Variants in SLC2A13 observed in about 807,000 individuals in gnomAD.
The protein encoded by SLC2A13 is solute carrier family 2 member 13, also known as proton myo-inositol cotransporter.
SLC2A13 carries 32 observed loss-of-function variants against 64.4 expected under a neutral mutation model. The ratio of observed to expected loss-of-function variants is 0.50; its 90% CI spans 0.37 to 0.67. The LOEUF (loss-of-function observed/expected upper bound fraction) is 0.67. Among genes scored for constraint, SLC2A13 ranks in the 30% least tolerant of loss-of-function variants. The pLI, the probability that SLC2A13 is intolerant of heterozygous loss-of-function variation, is 0.00. For synonymous variants in SLC2A13, 338 were observed against 327.1 expected (o/e 1.03, Z -0.36); for missense variants, 743 against 829.2 (o/e 0.90, Z 1.28).
chr12:39,826,565 C>G (rs1942681786), intron 7 of SLC2A13, among the ~76,000 whole-genome samples: 1 of 149,106 alleles, frequency 6.7e-6, no homozygotes, highest in East Asian at 2.0e-4. Flanking sequence ...CTATATTTAA[C>G]AAATTGAAAA....
At chr12:40,032,799 T>C (rs1947924451) in intron 2 of SLC2A13, among the ~76,000 whole-genome samples, 1 of 152,202 alleles carries the variant, frequency 6.6e-6, no homozygotes, top group African/African-American at 2.4e-5. Flanking sequence ...TCCTCTCATA[T>C]CTGCTTCCTT....
chr12:40,019,543 T>C (rs1028790957), intron 3 of SLC2A13, among the ~76,000 whole-genome samples: 1 of 152,186 alleles, frequency 6.6e-6, no homozygotes, highest in African/African-American at 2.4e-5. Context: ...ACGTGGATTA[T>C]AATGTCTGTT....
At chr12:39,958,129 T>C (rs1208215140) in intron 3 of SLC2A13, among the ~76,000 whole-genome samples, 2 of 152,202 alleles carry the variant, frequency 1.3e-5, no homozygotes, top group African/African-American at 4.8e-5. Flanking sequence ...TGAGTGCTCC[T>C]TCTCTCTTCA....
intron 1 of SLC2A13, among the ~76,000 whole-genome samples, chr12:40,061,706 T>A (rs888695564): frequency 6.6e-6 from 1 of 151,792 alleles, no homozygotes; most frequent in African/African-American, 2.4e-5. Context: ...CAATCCCCCA[T>A]GAACATCAAA....
intron 3 of SLC2A13, among the ~76,000 whole-genome samples, chr12:40,024,815 A>G (rs1335477114): frequency 6.6e-6 from 1 of 152,208 alleles, no homozygotes; most frequent in Non-Finnish European, 1.5e-5. Flanking sequence ...TCCTAAAAAA[A>G]CAGACCTTGG....
At chr12:40,011,766 T>G (rs527782828) in intron 3 of SLC2A13, among the ~76,000 whole-genome samples, 2 of 152,266 alleles carry the variant, frequency 1.3e-5, no homozygotes, top group East Asian at 3.9e-4. Context: ...TTCAGAGAAG[T>G]AAGCTGTGAA....
At chr12:39,764,996 T>A in intron 7 of SLC2A13, 138 bp from the exon 8 acceptor site, 2 of 987,252 alleles carry the variant, frequency 2.0e-6, no homozygotes, top group Non-Finnish European at 2.9e-6. Flanking sequence ...AAATAAGAAC[T>A]AAATATACAG....
intron 3 of SLC2A13, among the ~76,000 whole-genome samples, chr12:39,993,620 T>C (rs1591988061): frequency 6.6e-6 from 1 of 152,234 alleles, no homozygotes; most frequent in Non-Finnish European, 1.5e-5. Flanking sequence ...CATGTGATGT[T>C]TTTCCAGAGA....
chr12:39,962,962 T>C (rs1358353060), intron 3 of SLC2A13, among the ~76,000 whole-genome samples: 1 of 152,174 alleles, frequency 6.6e-6, no homozygotes, highest in Non-Finnish European at 1.5e-5. Flanking sequence ...AGCTCTCTAG[T>C]AGAATTTCTC....
At chr12:39,878,227 C>T (rs1358870056) in intron 4 of SLC2A13, among the ~76,000 whole-genome samples, 1 of 152,008 alleles carries the variant, frequency 6.6e-6, no homozygotes, top group Non-Finnish European at 1.5e-5. Flanking sequence ...AAGTTGATAC[C>T]AGGGGTGAAG....
chr12:39,950,442 T>C (rs1239563591), intron 4 of SLC2A13: 4 of 152,214 alleles, frequency 2.6e-5, no homozygotes, highest in African/African-American at 9.6e-5. Flanking sequence ...TATTTTATGA[T>C]TTAGGATCTT....
chr12:39,838,674 G>A (rs567051171), intron 6 of SLC2A13, among the ~76,000 whole-genome samples: 44 of 152,088 alleles, frequency 2.9e-4, no homozygotes, highest in African/African-American at 1.0e-3. Context: ...AGAAAGGATG[G>A]CCTATTTTCA....
intron 1 of SLC2A13, among the ~76,000 whole-genome samples, chr12:40,095,058 C>A (rs750728946): frequency 3.3e-5 from 5 of 152,182 alleles, no homozygotes; most frequent in Non-Finnish European, 7.3e-5. Flanking sequence ...GAGATACATA[C>A]AATAGTAAGA....
At chr12:40,068,231 A>G (rs1937814518) in intron 1 of SLC2A13, 2 of 318,410 alleles carry the variant, frequency 6.3e-6, no homozygotes, top group South Asian at 2.5e-5. Context: ...AAGAAAAATT[A>G]TTTTGCTTGG....
intron 3 of SLC2A13, among the ~76,000 whole-genome samples, chr12:39,997,216 C>A (rs1369913927): frequency 6.6e-6 from 1 of 152,048 alleles, no homozygotes; most frequent in Non-Finnish European, 1.5e-5. Context: ...GAATAGAGAA[C>A]CCAGAAATAA....
chr12:39,860,461 ATCATGCATGGATAATAATTCT>A (rs1482903527), intron 6 of SLC2A13, among the ~76,000 whole-genome samples: 6 of 152,216 alleles, frequency 3.9e-5, no homozygotes, highest in African/African-American at 1.4e-4. Flanking sequence ...GGACTTAATT[ATCATGCATGGATAATAATTCT>A]TCATTCTAGA....
chr12:39,933,059 C>T (rs1482132551), intron 4 of SLC2A13, among the ~76,000 whole-genome samples: 2 of 150,174 alleles, frequency 1.3e-5, no homozygotes, highest in Non-Finnish European at 2.9e-5. Context: ...AACCCTGTCT[C>T]TACCAAAAAA....
chr12:39,980,281 C>A (rs1946864192), intron 3 of SLC2A13, among the ~76,000 whole-genome samples: 1 of 151,586 alleles, frequency 6.6e-6, no homozygotes, highest in African/African-American at 2.4e-5. Flanking sequence ...AGCAAAATCA[C>A]CAGTTAACAT....
intron 4 of SLC2A13, among the ~76,000 whole-genome samples, chr12:39,878,436 G>C (rs978242314): frequency 6.6e-6 from 1 of 152,224 alleles, no homozygotes; most frequent in Non-Finnish European, 1.5e-5. Context: ...GTCTCAGGTA[G>C]AAATGAGGAA....
Sources: allele counts gnomAD v4.1 joint callset (sites outside exome capture counted in the v4.1 genomes callset), GRCh38; gene constraint gnomAD v4.1.1; transcripts MANE v1.5; gene names NCBI Gene and HGNC (gene_info 2026-07-23, HGNC 2026-07-21).